Variants in KIAA1958 observed in about 807,000 individuals in gnomAD.
The protein encoded by KIAA1958 is KIAA1958.
KIAA1958 carries 14 observed loss-of-function variants against 47.2 expected under a neutral mutation model. That is an observed-to-expected ratio of 0.30 (90% CI 0.20 to 0.46). The LOEUF (loss-of-function observed/expected upper bound fraction) is 0.46. KIAA1958 is among the 20% of genes least tolerant of loss of function. The pLI is 1.00. For missense variants in KIAA1958, 803 were observed against 909.2 expected, an observed-to-expected ratio of 0.88 and a Z score of 1.50; for synonymous variants, 354 against 353.3, an observed-to-expected ratio of 1.00 and a Z score of -0.02.
intron 2 of KIAA1958, among the ~76,000 whole-genome samples, chr9:112,576,216 G>C (rs1835642598): frequency 6.6e-6 from 1 of 152,100 alleles, no homozygotes; most frequent in Non-Finnish European, 1.5e-5. Context: ...GATTCCCAAA[G>C]AAGACCTTTC....
At chr9:112,518,538 A>G (rs139324465) in intron 1 of KIAA1958, among the ~76,000 whole-genome samples, 2 of 152,226 alleles carry the variant, frequency 1.3e-5, no homozygotes, top group Admixed American at 1.3e-4. Context: ...TGGAAAACAG[A>G]TGAGTGTTTG....
intron 1 of KIAA1958, among the ~76,000 whole-genome samples, chr9:112,534,823 C>T (rs770768987): frequency 1.3e-5 from 2 of 152,106 alleles, no homozygotes; most frequent in South Asian, 4.1e-4. Context: ...GGATTACAGG[C>T]GTGAGCCACT....
chr9:112,562,454 G>T (rs1020267439), intron 1 of KIAA1958, among the ~76,000 whole-genome samples: 3 of 152,140 alleles, frequency 2.0e-5, no homozygotes, highest in Admixed American at 2.0e-4. Context: ...CACATGAGTT[G>T]TATCTCACAC....
intron 1 of KIAA1958, among the ~76,000 whole-genome samples, chr9:112,569,530 C>T (rs1217877081): frequency 2.6e-5 from 4 of 152,170 alleles, no homozygotes; most frequent in African/African-American, 9.7e-5. Flanking sequence ...ATCATTGTAG[C>T]CAATCAGCTC....
At chr9:112,573,048 C>G (rs1398276593) in intron 1 of KIAA1958, among the ~76,000 whole-genome samples, 1 of 152,102 alleles carries the variant, frequency 6.6e-6, no homozygotes, top group Non-Finnish European at 1.5e-5. Flanking sequence ...ACCAGTGCTC[C>G]CAGGACCCCC....
intron 1 of KIAA1958, among the ~76,000 whole-genome samples, chr9:112,545,029 A>G (rs1011214235): frequency 1.3e-5 from 2 of 152,124 alleles, no homozygotes; most frequent in African/African-American, 4.8e-5. Flanking sequence ...CAGTTCATTA[A>G]TGTGAGGGCT....
At chr9:112,637,575 A>G (rs887516622) in intron 2 of KIAA1958, among the ~76,000 whole-genome samples, 4 of 151,694 alleles carry the variant, frequency 2.6e-5, no homozygotes, top group Non-Finnish European at 5.9e-5. Context: ...ATGGCTGTTC[A>G]CCATGTTGGC....
At chr9:112,576,941 A>G (rs1008778887) in intron 2 of KIAA1958, among the ~76,000 whole-genome samples, 22 of 152,194 alleles carry the variant, frequency 1.4e-4, no homozygotes, top group Non-Finnish European at 3.2e-4. Flanking sequence ...AAGCAGCTCC[A>G]TCATTGTACA....
chr9:112,525,575 T>C (rs546579572), intron 1 of KIAA1958, among the ~76,000 whole-genome samples: 38 of 152,374 alleles, frequency 2.5e-4, no homozygotes, highest in African/African-American at 9.1e-4. Context: ...ATGCCATTAC[T>C]CCTGCTTTAT....
At chr9:112,621,742 CTTTGTTTG>C (rs3033071) in intron 2 of KIAA1958, among the ~76,000 whole-genome samples, 1 of 151,994 alleles carries the variant, frequency 6.6e-6, no homozygotes, top group Non-Finnish European at 1.5e-5. Context: ...CAGTATCAGT[CTTTGTTTG>C]TTTGTTTGTT....
At chr9:112,576,050 T>C (rs1265335210) in intron 2 of KIAA1958, among the ~76,000 whole-genome samples, 2 of 152,350 alleles carry the variant, frequency 1.3e-5, no homozygotes, top group East Asian at 3.9e-4. Flanking sequence ...CAGAAATCTG[T>C]GGCATGTTTT....
intron 1 of KIAA1958, among the ~76,000 whole-genome samples, chr9:112,571,082 C>T (rs920056687): frequency 3.4e-5 from 5 of 145,646 alleles, no homozygotes; most frequent in African/African-American, 5.1e-5. Flanking sequence ...AGATGGTGCC[C>T]GCCAATATTC....
chr9:112,618,751 C>T lies in KIAA1958; in HGVS notation c.1172-26899C>T, dbSNP rs893996732. 6.4e-7 allele frequency: 1 copy of T among 1,550,654 alleles called. No homozygotes were observed. Among genetic ancestry groups the T allele is most frequent in the Non-Finnish European group, 8.7e-7 (1 of 1,147,004 alleles). On this transcript the variant is annotated intron_variant, in intron 2 of 3. Coordinates refer to ENST00000337530, the MANE Select transcript of KIAA1958 (RefSeq NM_133465.4). This position sits in a 1 kb window ranked among gnomAD's most constrained non-coding sequence, Gnocchi z 7.1. ...ACATCCCTGGCAGGAAAACCAACTT[C>T]AGTGTGTATCAGAGCTGCAGCACCT...
rs367932637 is a variant in KIAA1958 at position 112,607,749 on chromosome 9, C to CAAAAAAAA, written c.1171+32508_1171+32515dup. Among the ~76,000 whole-genome samples, 11 of 118,792 alleles carry CAAAAAAAA rather than the reference C, an allele frequency of 9.3e-5. 2 individuals are homozygous for CAAAAAAAA. The highest frequency in any genetic ancestry group is 1.8e-4 in the Admixed American group (2 of 10,928). 77.9% of individuals were successfully genotyped at this position (118,792 alleles called of 152,430 possible). On this transcript the variant is annotated intron_variant, in intron 2 of 3. Coordinates refer to ENST00000337530, the MANE Select transcript of KIAA1958 (RefSeq NM_133465.4). ...AAGATAATCATTTAGATATCCAAGACAAAAAAAAAAAAAAAAAGGCAAAGG... is the reference window on the plus strand; with the variant it reads ...AAGATAATCATTTAGATATCCAAGACAAAAAAAAAAAAAAAAAAAAAAAAAGGCAAAGG...
chr9:112,646,615 C>T (rs918628773), intron 3 of KIAA1958, among the ~76,000 whole-genome samples: 1 of 152,190 alleles, frequency 6.6e-6, no homozygotes, highest in African/African-American at 2.4e-5. Context: ...ACACCTGTAA[C>T]AGTCCCAGTT....
chr9:112,526,945 G>A lies in KIAA1958; in HGVS notation c.-25+39827G>A, dbSNP rs143819564. Among the ~76,000 whole-genome samples, 17 of 152,312 alleles carry A rather than the reference G, an allele frequency of 1.1e-4. No homozygotes were observed. In the East Asian group the frequency reaches 2.7e-3, roughly 24 times the overall value. ...AGGTACTGAACAAGTTGAAGTTACT[G>A]CTTCTACAGCCTGGGAGGTGTTTAT... is the stretch of plus-strand genomic sequence containing the variant. On this transcript the variant is annotated intron_variant, in intron 1 of 3. Coordinates refer to ENST00000337530, the MANE Select transcript of KIAA1958 (RefSeq NM_133465.4).
At chr9:112,549,461 C>T (rs999431567) in intron 1 of KIAA1958, among the ~76,000 whole-genome samples, 1 of 152,198 alleles carries the variant, frequency 6.6e-6, no homozygotes, top group Non-Finnish European at 1.5e-5. Flanking sequence ...TTCTTGTCTT[C>T]ACTCATTGTT....
intron 1 of KIAA1958, among the ~76,000 whole-genome samples, chr9:112,500,257 T>A (rs1459484370): frequency 6.6e-6 from 1 of 152,022 alleles, no homozygotes; most frequent in Non-Finnish European, 1.5e-5. Context: ...TGTGCCACCA[T>A]GCCCAGCTAA....
intron 1 of KIAA1958, among the ~76,000 whole-genome samples, chr9:112,542,784 A>T (rs549594816): frequency 2.6e-5 from 4 of 152,132 alleles, no homozygotes; most frequent in Admixed American, 6.5e-5. Flanking sequence ...AGCTGGGCTG[A>T]GTGTTCAGAA....
Sources: gnomAD v4.1 joint callset for allele counts (sites outside exome capture counted in the v4.1 genomes callset) on GRCh38, gnomAD v4.1.1 for gene constraint, Gnocchi (gnomAD v3.1) non-coding constraint, MANE v1.5 for transcripts, NCBI Gene and HGNC (gene_info 2026-07-23, HGNC 2026-07-21) for gene names.